The following ERBB4 variants were observed in gnomAD, a reference collection of about 807,000 sequenced individuals.
ERBB4 encodes the protein receptor tyrosine-protein kinase erbB-4.
A neutral mutation model predicts 158.0 loss-of-function variants in ERBB4; 42 were observed. The observed-to-expected ratio is 0.27, with a 90% confidence interval of 0.21 to 0.34. The LOEUF is 0.34. Among genes scored for constraint, ERBB4 ranks in the 10% least tolerant of loss-of-function variants. The pLI is 1.00. For missense variants in ERBB4, 1,333 were observed against 1,624.1 expected, an observed-to-expected ratio of 0.82 and a Z score of 3.08; for synonymous variants, 583 against 558.7, an observed-to-expected ratio of 1.04 and a Z score of -0.61.
chr2:212,364,322 A>AT (rs1043577893), intron 1 of ERBB4, among the ~76,000 whole-genome samples: 1 of 151,486 alleles, frequency 6.6e-6, no homozygotes, highest in Admixed American at 6.6e-5. Flanking sequence ...TAGAACCTGA[A>AT]TTTTTTTCTT....
At chr2:211,807,632 G>C (rs184886934) in intron 3 of ERBB4, among the ~76,000 whole-genome samples, 2 of 152,156 alleles carry the variant, frequency 1.3e-5, no homozygotes, top group Admixed American at 6.6e-5. Context: ...ACAGTAGCAC[G>C]ATGTATAATC....
At chr2:212,376,867 C>T (rs554058986) in intron 1 of ERBB4, among the ~76,000 whole-genome samples, 1 of 151,962 alleles carries the variant, frequency 6.6e-6, no homozygotes, top group Non-Finnish European at 1.5e-5. Flanking sequence ...GAAGTCCCTT[C>T]CCATATGTTC....
chr2:212,093,640 T>G (rs1032027323), intron 2 of ERBB4, among the ~76,000 whole-genome samples: 1 of 152,354 alleles, frequency 6.6e-6, no homozygotes, highest in African/African-American at 2.4e-5. Flanking sequence ...TTATCCAACA[T>G]TGTCGTATTT....
chr2:211,532,092 C>T (rs116059021), intron 20 of ERBB4, among the ~76,000 whole-genome samples: 9,742 of 151,662 alleles, frequency 0.064, 342 homozygotes, highest in African/African-American at 0.087. Context: ...AAAATTAAAA[C>T]AATTGAACTC....
intron 2 of ERBB4, among the ~76,000 whole-genome samples, chr2:212,119,903 T>G (rs1286622854): frequency 1.3e-5 from 2 of 152,194 alleles, no homozygotes; most frequent in East Asian, 1.9e-4. Flanking sequence ...AAAGTGCATC[T>G]TCAATTCAAT....
chr2:211,627,349 A>G (rs898599978), intron 17 of ERBB4, among the ~76,000 whole-genome samples: 9 of 152,262 alleles, frequency 5.9e-5, no homozygotes, highest in Non-Finnish European at 1.2e-4. Flanking sequence ...TTGCTCTTCA[A>G]TAAGCTTCCA....
rs1366178971 is a variant in ERBB4 at position 211,380,438 on chromosome 2, TG to T, written c.*3176del. ...ACTCCGTGTAATTTTAATACTAATT[TG>T]TCTCAGATTTACATAATTGATTCTG... On this transcript the variant is annotated 3_prime_UTR_variant, in exon 28 of 28. Coordinates refer to ENST00000342788, the MANE Select transcript of ERBB4 (RefSeq NM_005235.3). 1 of 232,338 alleles carries T rather than the reference TG, an allele frequency of 4.3e-6. No homozygotes were observed. Among genetic ancestry groups the T allele is most frequent in the Non-Finnish European group, 8.5e-6 (1 of 117,562 alleles). 14.4% of individuals were successfully genotyped at this position (232,338 alleles called of 1,614,324 possible). A position where few individuals can be genotyped will look rare whatever the true frequency, so the allele number is the denominator to read the frequency against.
chr2:211,707,457 G>C (rs1028485050), intron 9 of ERBB4, among the ~76,000 whole-genome samples: 5 of 152,182 alleles, frequency 3.3e-5, no homozygotes, highest in African/African-American at 1.2e-4. Flanking sequence ...AGGAAAAAGA[G>C]AGAGAAACAT....
intron 1 of ERBB4, among the ~76,000 whole-genome samples, chr2:212,216,725 AC>A (rs1348461944): frequency 6.6e-6 from 1 of 151,308 alleles, no homozygotes. Context: ...AATTGTTCTC[AC>A]TTTCTCCTCA....
intron 1 of ERBB4, among the ~76,000 whole-genome samples, chr2:212,178,842 A>G (rs1199368298): frequency 6.6e-6 from 1 of 151,626 alleles, no homozygotes; most frequent in Admixed American, 6.6e-5. Flanking sequence ...TACATAAAAA[A>G]TCCTCTTGCT....
intron 3 of ERBB4, among the ~76,000 whole-genome samples, chr2:211,859,150 C>T (rs889360157): frequency 3.3e-5 from 5 of 152,130 alleles, no homozygotes; most frequent in African/African-American, 9.7e-5. Flanking sequence ...AGACATATTA[C>T]TAAAATTAAT....
At chr2:212,305,481 A>T (rs1170929413) in intron 1 of ERBB4, among the ~76,000 whole-genome samples, 1 of 151,258 alleles carries the variant, frequency 6.6e-6, no homozygotes, top group African/African-American at 2.4e-5. Flanking sequence ...TGTTTCTACT[A>T]CCTATATGAT....
intron 1 of ERBB4, among the ~76,000 whole-genome samples, chr2:212,283,023 G>A (rs757071119): frequency 5.9e-5 from 9 of 151,614 alleles, no homozygotes; most frequent in Non-Finnish European, 1.2e-4. Flanking sequence ...ATTCATACTC[G>A]GTCTATTTCC....
chr2:212,166,130 T>A (rs998158365), intron 1 of ERBB4, among the ~76,000 whole-genome samples: 2 of 151,976 alleles, frequency 1.3e-5, no homozygotes, highest in Admixed American at 1.3e-4. Context: ...AAGCAGCTAC[T>A]CTCCTTTAGA....
intron 3 of ERBB4, among the ~76,000 whole-genome samples, chr2:211,882,735 T>TA (rs1445098334): frequency 6.6e-6 from 1 of 152,228 alleles, no homozygotes; most frequent in African/African-American, 2.4e-5. Flanking sequence ...ATTGTTTAAG[T>TA]ATAGCCACCT....
At chr2:211,786,182 T>C (rs111312492) in intron 4 of ERBB4, among the ~76,000 whole-genome samples, 1 of 152,110 alleles carries the variant, frequency 6.6e-6, no homozygotes, top group Non-Finnish European at 1.5e-5. Context: ...GGTTGAGTGA[T>C]TGGTTGGTGG....
intron 20 of ERBB4, among the ~76,000 whole-genome samples, chr2:211,546,168 C>G (rs2125692978): frequency 6.6e-6 from 1 of 152,100 alleles, no homozygotes; most frequent in African/African-American, 2.4e-5. Context: ...ACAATAATAG[C>G]TATCAACATT....
At chr2:212,002,731 G>T (rs1293770352) in intron 2 of ERBB4, among the ~76,000 whole-genome samples, 7 of 152,148 alleles carry the variant, frequency 4.6e-5, no homozygotes, top group African/African-American at 1.7e-4. Context: ...ATATGAATTT[G>T]TTATGAATAA....
intron 9 of ERBB4, among the ~76,000 whole-genome samples, chr2:211,709,270 T>TACATACATATATATATAC (rs1291220209): frequency 7.6e-5 from 11 of 143,962 alleles, no homozygotes; most frequent in African/African-American, 2.9e-4. Context: ...TATATATATA[T>TACATACATATATATATAC]ATATACATAC....
Sources: gnomAD v4.1 joint callset for allele counts (sites outside exome capture counted in the v4.1 genomes callset) on GRCh38, gnomAD v4.1.1 for gene constraint, MANE v1.5 for transcripts, NCBI Gene and HGNC (gene_info 2026-07-23, HGNC 2026-07-21) for gene names.